The following FOLR1 variants were observed in gnomAD, a reference collection of about 807,000 sequenced individuals.
FOLR1 encodes KB cells FBP.
Under a neutral mutation model 22.8 loss-of-function variants are expected in FOLR1, and 11 were observed. That is an observed-to-expected ratio of 0.48 (90% CI 0.30 to 0.80). The LOEUF is 0.80. Among genes scored for constraint, FOLR1 ranks in the 30% least tolerant of loss-of-function variants. The probability of loss-of-function intolerance (pLI) is 0.06; values close to 1 mark genes in which losing one functional copy is unlikely to be tolerated. For missense variants in FOLR1, 273 were observed against 320.3 expected (o/e 0.85, Z 1.13); for synonymous variants, 108 against 116.5 (o/e 0.93, Z 0.47).
In FOLR1 at chr11:72,195,635, G is replaced by A. The variant is rs1158475560; in HGVS notation, c.381G>A (p.Glu127=). ...IQQVDQSWRK[E]RVLNVPLCKE... ...AGGTGGATCAGAGCTGGCGCAAAGA[G>A]CGGGTACTGAACGTGCCCCTGTGCA... The change falls in exon 3 of 4, where the codon GAG becomes GAA. Residue 127 remains glutamate, a synonymous_variant. Coordinates refer to ENST00000393676, the MANE Select transcript of FOLR1 (RefSeq NM_016729.3). 6.2e-7 allele frequency: 1 copy of A among 1,614,136 alleles called. No individual in the cohort carries two copies. Among genetic ancestry groups the A allele is most frequent in the African/African-American group, 1.3e-5 (1 of 74,942 alleles).
At chr11:72,194,560 C>T (rs1014415009) in intron 1 of FOLR1, among the ~76,000 whole-genome samples, 42 of 152,122 alleles carry the variant, frequency 2.8e-4, no homozygotes, top group African/African-American at 9.2e-4. Flanking sequence ...CCACCACGCC[C>T]GGCTAATTTT....
intron 1 of FOLR1, among the ~76,000 whole-genome samples, chr11:72,193,355 A>AAAGG (rs1314464937): frequency 6.7e-6 from 1 of 150,264 alleles, no homozygotes; most frequent in Non-Finnish European, 1.5e-5. Flanking sequence ...AAAAAGAAAG[A>AAAGG]AAGGAAGGAA....
rs1948218837 is a variant in FOLR1 at position 72,195,615 on chromosome 11, G to C, written c.361G>C (p.Asp121His). Residue 121 changes from aspartate (D) to histidine (H), a missense_variant, in exon 3 of 4, where the codon GAT becomes CAT. Transcript: ENST00000393676. ...PNLGPWIQQV[D>H]QSWRKERVLN... ...CTTTTGTATCAAAATCACCCAGGTG[G>C]ATCAGAGCTGGCGCAAAGAGCGGGT... The C allele has an allele frequency of 6.2e-7, 1 of 1,614,118 alleles. No homozygotes were observed. Among genetic ancestry groups the C allele is most frequent in the Non-Finnish European group, 8.5e-7 (1 of 1,180,058 alleles).
At chr11:72,194,451 G>A (rs998666552) in intron 1 of FOLR1, among the ~76,000 whole-genome samples, 1 of 152,138 alleles carries the variant, frequency 6.6e-6, no homozygotes, top group African/African-American at 2.4e-5. Flanking sequence ...CCAGGCTGGA[G>A]TGCAGTGGCA....
intron 1 of FOLR1, among the ~76,000 whole-genome samples, chr11:72,193,449 CT>C (rs1003454532): frequency 2.6e-4 from 38 of 146,540 alleles, no homozygotes; most frequent in South Asian, 6.5e-4. Context: ...ATACGCATTT[CT>C]TTTTTTTTTT....
upstream of FOLR1, chr11:72,190,422 C>T (rs946302512): frequency 1.3e-5 from 2 of 151,988 alleles, no homozygotes; most frequent in African/African-American, 4.8e-5. Flanking sequence ...TGATTTCCCC[C>T]TTCTTACATT....
upstream of FOLR1, among the ~76,000 whole-genome samples, chr11:72,191,544 T>C (rs564924926): frequency 3.3e-5 from 5 of 152,178 alleles, no homozygotes; most frequent in South Asian, 8.3e-4. Context: ...GTATTTTTAG[T>C]AGAGACAGGG....
chr11:72,192,501 G>A (rs939444670), intron 1 of FOLR1, among the ~76,000 whole-genome samples, 160 bp downstream of exon 1: 8 of 152,136 alleles, frequency 5.3e-5, no homozygotes, highest in Non-Finnish European at 1.0e-4. Flanking sequence ...GCCAAATGTC[G>A]GTACAATGCC....
chr11:72,190,437 C>T (rs746132499), upstream of FOLR1: 3 of 152,202 alleles, frequency 2.0e-5, no homozygotes, highest in Non-Finnish European at 4.4e-5. Flanking sequence ...TACATTTAAT[C>T]CTTGCAGGAG....
chr11:72,194,528 T>C (rs968275893), intron 1 of FOLR1, among the ~76,000 whole-genome samples: 1 of 152,150 alleles, frequency 6.6e-6, no homozygotes, highest in African/African-American at 2.4e-5. Context: ...GCCTCCCAAG[T>C]AGCTGGGACT....
chr11:72,193,669 C>A (rs1490611653), intron 1 of FOLR1, among the ~76,000 whole-genome samples: 1 of 152,112 alleles, frequency 6.6e-6, no homozygotes, highest in African/African-American at 2.4e-5. Context: ...ACCATGTTGG[C>A]CAGGCTGGTC....
chr11:72,192,764 T>TC (rs755082252), intron 1 of FOLR1, among the ~76,000 whole-genome samples: 36 of 152,096 alleles, frequency 2.4e-4, no homozygotes, highest in Non-Finnish European at 4.9e-4. Flanking sequence ...TGCAAAGCAT[T>TC]CTTTTTTTTT....
At chr11:72,190,675 T>G (rs1339350506), upstream of FOLR1, 1 of 152,268 alleles carries the variant, frequency 6.6e-6, no homozygotes, top group African/African-American at 2.4e-5. Context: ...GGGGCATGAT[T>G]GGATCCTGGA....
intron 1 of FOLR1, among the ~76,000 whole-genome samples, chr11:72,195,068 A>C (rs984543599): frequency 2.0e-5 from 3 of 152,088 alleles, no homozygotes; most frequent in African/African-American, 7.2e-5. Flanking sequence ...AATGACTGCA[A>C]CTCCAGCAGG....
chr11:72,194,691 A>G (rs1419159764), intron 1 of FOLR1, among the ~76,000 whole-genome samples: 1 of 150,836 alleles, frequency 6.6e-6, no homozygotes, highest in Non-Finnish European at 1.5e-5. Context: ...GAGCCACCGC[A>G]CCCGGCCTAA....
Position 72,196,068 on chromosome 11 carries a change from A to G in FOLR1, c.665A>G (p.Asn222Ser), listed in dbSNP as rs745483690. 28 of 1,614,090 alleles carry G rather than the reference A, an allele frequency of 1.7e-5. No individual in the cohort carries two copies. The highest frequency in any genetic ancestry group is 4.5e-5 in the East Asian group (2 of 44,896). The stretch of plus-strand genomic sequence containing the variant: ...TTCGACCCAGCCCAGGGCAACCCCA[A>G]TGAGGAGGTGGCGAGGTTCTATGCT... ...MWFDPAQGNP[N>S]EEVARFYAAA... Residue 222 changes from asparagine to serine, a missense_variant, in exon 4 of 4, where the codon AAT (asparagine) becomes AGT (serine). Coordinates refer to ENST00000393676, the MANE Select transcript of FOLR1 (RefSeq NM_016729.3).
chr11:72,191,255 A>G (rs1948152094), upstream of FOLR1, among the ~76,000 whole-genome samples: 1 of 152,206 alleles, frequency 6.6e-6, no homozygotes. Flanking sequence ...AGGGCCTACT[A>G]AACTAGCTTG....
In FOLR1 at chr11:72,195,617, T is replaced by C. The variant is rs778935652; in HGVS notation, c.363T>C (p.Asp121=). ...TTTGTATCAAAATCACCCAGGTGGA[T>C]CAGAGCTGGCGCAAAGAGCGGGTAC... ...PNLGPWIQQV[D]QSWRKERVLN... Residue 121 remains aspartate (D), a synonymous_variant, in exon 3 of 4, where the codon GAT becomes GAC. Coordinates refer to ENST00000393676, the MANE Select transcript of FOLR1 (RefSeq NM_016729.3). 4 of 1,614,196 alleles carry C rather than the reference T, an allele frequency of 2.5e-6. No individual in the cohort carries two copies. The highest frequency in any genetic ancestry group is 3.4e-6 in the Non-Finnish European group (4 of 1,180,030).
At position 72,192,342 on chromosome 11, in the gene FOLR1, GTGGGCCAGGGGGTGATC is replaced by G. The variant is rs1948167983; in HGVS notation, c.168+6_168+22del. The stretch of plus-strand genomic sequence containing the variant: ...CCCCGAGGACAAGTTGCATGAGCAG[GTGGGCCAGGGGGTGATC>G]TGGGGTGGTGAGGGACTGGCTCAGG... On this transcript the variant is annotated splice_donor_variant and splice_donor_5th_base_variant and intron_variant, in intron 1 of 3. Coordinates refer to ENST00000393676, the MANE Select transcript of FOLR1 (RefSeq NM_016729.3). LOFTEE classifies it high-confidence loss of function. 3.1e-6 allele frequency: 5 copies of G among 1,613,942 alleles called. No individual in the cohort carries two copies. The highest frequency in any genetic ancestry group is 4.2e-6 in the Non-Finnish European group (5 of 1,180,020).
Sources: gnomAD v4.1 joint callset for allele counts (sites outside exome capture counted in the v4.1 genomes callset) on GRCh38, gnomAD v4.1.1 for gene constraint, MANE v1.5 for transcripts, NCBI Gene and HGNC (gene_info 2026-07-23, HGNC 2026-07-21) for gene names.